Variants in SSH2 observed in about 807,000 individuals in gnomAD.
The protein encoded by SSH2 is slingshot protein phosphatase 2.
SSH2 carries 37 observed loss-of-function variants against 135.2 expected under a neutral mutation model. The ratio of observed to expected loss-of-function variants is 0.27; its 90% CI spans 0.21 to 0.36. The LOEUF is 0.36. Among genes scored for constraint, SSH2 ranks in the 10% least tolerant of loss-of-function variants. The pLI, the probability that SSH2 is intolerant of heterozygous loss-of-function variation, is 1.00. For missense variants in SSH2, 1,408 were observed against 1,765.3 expected, an observed-to-expected ratio of 0.80 and a Z score of 3.63; for synonymous variants, 628 against 646.2, an observed-to-expected ratio of 0.97 and a Z score of 0.43.
intron 1 of SSH2, chr17:29,865,936 A>T (rs1054389721): frequency 6.6e-6 from 1 of 152,160 alleles, no homozygotes; most frequent in Non-Finnish European, 1.5e-5. Context: ...CCCTGTCTCC[A>T]CTAAAAATAC....
chr17:29,840,248 C>T lies in SSH2; in HGVS notation c.144+8601G>A, dbSNP rs115654861. Among the ~76,000 whole-genome samples, 1,080 of 152,270 alleles carry T rather than the reference C, an allele frequency of 7.1e-3. 14 individuals are homozygous for T. Among genetic ancestry groups the T allele is most frequent in the African/African-American group, 0.023 (946 of 41,542 alleles). ...TAATTTTGCAAATTTGGCCGAGGCT[C>T]CTTGTTTCTGCCTACAAATTGTTTC... On this transcript the variant is annotated intron_variant, in intron 2 of 15. Transcript: ENST00000540801.
intron 6 of SSH2, among the ~76,000 whole-genome samples, chr17:29,680,907 T>A (rs2037952132): frequency 6.6e-6 from 1 of 152,112 alleles, no homozygotes; most frequent in African/African-American, 2.4e-5. Context: ...ATTAACTATA[T>A]AAAAAGATAC....
chr17:29,850,756 C>T (rs1198570517), intron 1 of SSH2, among the ~76,000 whole-genome samples: 4 of 152,204 alleles, frequency 2.6e-5, no homozygotes, highest in Non-Finnish European at 4.4e-5. Context: ...GAGGCCGAGG[C>T]GGGTGGATCA....
At chr17:29,662,915 C>T (rs958217126) in intron 11 of SSH2, among the ~76,000 whole-genome samples, 2 of 152,112 alleles carry the variant, frequency 1.3e-5, no homozygotes, top group Non-Finnish European at 2.9e-5. Context: ...GTTATGTGTC[C>T]AATATACTTG....
chr17:29,807,158 A>C (rs920366179), intron 2 of SSH2, among the ~76,000 whole-genome samples: 1 of 152,258 alleles, frequency 6.6e-6, no homozygotes, highest in African/African-American at 2.4e-5. Context: ...ATGAAGCAAC[A>C]CCGATTACTT....
intron 4 of SSH2, among the ~76,000 whole-genome samples, chr17:29,699,604 T>C (rs1260472744): frequency 6.6e-6 from 1 of 152,174 alleles, no homozygotes; most frequent in Non-Finnish European, 1.5e-5. Context: ...CAGCTGAGTG[T>C]AGAAGTTTGA....
At chr17:29,810,220 G>C (rs2042417649) in intron 2 of SSH2, among the ~76,000 whole-genome samples, 1 of 152,134 alleles carries the variant, frequency 6.6e-6, no homozygotes. Flanking sequence ...CAAAAAGATA[G>C]TAATTCCTCA....
intron 1 of SSH2, chr17:29,925,286 C>A (rs2067044078): frequency 2.7e-6 from 1 of 375,298 alleles, no homozygotes; most frequent in South Asian, 1.5e-4. Flanking sequence ...AAAATTCACA[C>A]CAGATTGGGG....
intron 1 of SSH2, among the ~76,000 whole-genome samples, chr17:29,889,186 C>T (rs1205911859): frequency 3.3e-5 from 5 of 152,080 alleles, no homozygotes; most frequent in African/African-American, 1.2e-4. Context: ...GGGGCTCACA[C>T]TTGTAATCCC....
chr17:29,831,076 A>C (rs1414735271), intron 2 of SSH2, among the ~76,000 whole-genome samples: 2 of 152,244 alleles, frequency 1.3e-5, no homozygotes, highest in Admixed American at 1.3e-4. Context: ...TAACAGGATA[A>C]GCCATAAATT....
At chr17:29,697,224 CA>C (rs903291149) in intron 4 of SSH2, among the ~76,000 whole-genome samples, 3 of 151,922 alleles carry the variant, frequency 2.0e-5, no homozygotes, top group Non-Finnish European at 4.4e-5. Context: ...AATCTGTGAA[CA>C]AAAAAACCTC....
At chr17:29,867,326 T>G (rs2065870215) in intron 1 of SSH2, among the ~76,000 whole-genome samples, 1 of 152,140 alleles carries the variant, frequency 6.6e-6, no homozygotes, top group African/African-American at 2.4e-5. Context: ...TTCTAGTTAT[T>G]TATTTCTCTC....
At chr17:29,666,832 G>A (rs557553818) in intron 11 of SSH2, 35 bp downstream of exon 11, 31 of 1,611,166 alleles carry the variant, frequency 1.9e-5, no homozygotes, top group South Asian at 4.4e-5. Flanking sequence ...ATGGGCTAGC[G>A]TTAGCACACC....
intron 3 of SSH2, among the ~76,000 whole-genome samples, chr17:29,785,791 G>A (rs947759934): frequency 2.7e-5 from 4 of 147,208 alleles, no homozygotes; most frequent in Admixed American, 2.7e-4. Flanking sequence ...GAGTCACCGC[G>A]CCCAGTCCGT....
intron 2 of SSH2, among the ~76,000 whole-genome samples, chr17:29,817,930 A>G (rs2042586178): frequency 6.6e-6 from 1 of 150,944 alleles, no homozygotes; most frequent in Non-Finnish European, 1.5e-5. Flanking sequence ...GCTAATTACT[A>G]TTATTATTAT....
chr17:29,632,873 A>G lies in SSH2; in HGVS notation c.2321T>C (p.Ile774Thr), dbSNP rs367837945. 6.2e-7 allele frequency: 1 copy of G among 1,614,052 alleles called. No individual in the cohort carries two copies. The highest frequency in any genetic ancestry group is 1.3e-5 in the African/African-American group (1 of 74,928). ...TTCAGTGACAATTTCTTTGACTGAA[A>G]TTGCATTTTCCGAGTGAGACTGCAT... ...IFMQSHSENA[I>T]SVKEIVTEIE... Residue 774 changes from isoleucine to threonine, a missense_variant, in exon 16 of 16, where the codon ATT becomes ACT. Around this residue, in one of 3 missense-constraint regions of SSH2, gnomAD observed 1,080 missense variants for 1,144.5 expected, o/e 0.94. Transcript: ENST00000540801.
intron 1 of SSH2, among the ~76,000 whole-genome samples, chr17:29,852,360 T>A (rs2065578740): frequency 6.6e-6 from 1 of 151,882 alleles, no homozygotes; most frequent in Admixed American, 6.6e-5. Flanking sequence ...TATATATATA[T>A]TCATCAATTG....
intron 3 of SSH2, among the ~76,000 whole-genome samples, chr17:29,727,065 T>G (rs1321258725): frequency 6.6e-6 from 1 of 152,226 alleles, no homozygotes; most frequent in Non-Finnish European, 1.5e-5. Context: ...GCATCAAACT[T>G]ACAGCATTAG....
chr17:29,729,052 A>G (rs1329362143), intron 3 of SSH2, among the ~76,000 whole-genome samples: 5 of 152,322 alleles, frequency 3.3e-5, no homozygotes, highest in Admixed American at 6.5e-5. Context: ...ACAGGATCAC[A>G]TCAAGTTAAA....
Sources: allele counts gnomAD v4.1 joint callset (sites outside exome capture counted in the v4.1 genomes callset), GRCh38; gene constraint gnomAD v4.1.1; regional missense constraint gnomAD v4.1.1; transcripts MANE v1.5; gene names NCBI Gene and HGNC (gene_info 2026-07-23, HGNC 2026-07-21).